Variants in PTPRR observed in about 807,000 individuals in gnomAD.
The protein encoded by PTPRR is protein tyrosine phosphatase receptor type R, also known as receptor-type tyrosine-protein phosphatase R.
A neutral mutation model predicts 77.2 loss-of-function variants in PTPRR; 38 were observed. The ratio of observed to expected loss-of-function variants is 0.49; its 90% confidence interval spans 0.38 to 0.65. PTPRR has a LOEUF of 0.65. Ranked by LOEUF, PTPRR falls within the 30% of genes least tolerant of loss-of-function variation. PTPRR has a pLI of 0.00. For synonymous variants in PTPRR, 299 were observed against 283.1 expected (o/e 1.06, Z -0.57); for missense variants, 744 against 799.2 (o/e 0.93, Z 0.83).
At chr12:70,753,531 T>C (rs979710410) in intron 5 of PTPRR, among the ~76,000 whole-genome samples, 1 of 152,182 alleles carries the variant, frequency 6.6e-6, no homozygotes, top group Non-Finnish European at 1.5e-5. Flanking sequence ...TGCCAAATAG[T>C]ACTGCTTAAT....
chr12:70,797,008 A>T (rs1362526722), intron 2 of PTPRR, among the ~76,000 whole-genome samples: 1 of 152,100 alleles, frequency 6.6e-6, no homozygotes, highest in South Asian at 2.1e-4. Context: ...ACAGAGCGAG[A>T]CTCTGTCTAA....
chr12:70,879,772 A>C (rs1268971575), intron 2 of PTPRR, among the ~76,000 whole-genome samples: 1 of 152,242 alleles, frequency 6.6e-6, no homozygotes, highest in African/African-American at 2.4e-5. Context: ...GTGACTGTTT[A>C]GACAGAATAT....
At chr12:70,843,905 T>A (rs773184049) in intron 2 of PTPRR, among the ~76,000 whole-genome samples, 1 of 147,144 alleles carries the variant, frequency 6.8e-6, no homozygotes, top group Non-Finnish European at 1.5e-5. Flanking sequence ...AACACCTGCC[T>A]CCCAGGTTCA....
intron 7 of PTPRR, 68 bp downstream of exon 7, chr12:70,701,069 C>T: frequency 3.9e-6 from 6 of 1,533,694 alleles, no homozygotes; most frequent in Non-Finnish European, 5.4e-6. Context: ...AGTATCATTT[C>T]CATACGTCTC....
intron 6 of PTPRR, among the ~76,000 whole-genome samples, chr12:70,740,675 A>G (rs929326397): frequency 2.6e-5 from 4 of 152,272 alleles, no homozygotes; most frequent in South Asian, 2.1e-4. Flanking sequence ...TTTATGATTA[A>G]TGATATCAAA....
At chr12:70,670,804 C>A (rs1283343981) in intron 10 of PTPRR, among the ~76,000 whole-genome samples, 3 of 152,206 alleles carry the variant, frequency 2.0e-5, no homozygotes, top group Non-Finnish European at 2.9e-5. Context: ...ATGTTTCCTT[C>A]TCTGAAGAGG....
chr12:70,744,128 C>A (rs902186749), intron 6 of PTPRR, among the ~76,000 whole-genome samples: 1 of 151,922 alleles, frequency 6.6e-6, no homozygotes, highest in Admixed American at 6.6e-5. Flanking sequence ...ATGTGGATGA[C>A]CAGAGTAAAA....
At chr12:70,721,290 T>C (rs77148524) in intron 6 of PTPRR, among the ~76,000 whole-genome samples, 11 of 152,294 alleles carry the variant, frequency 7.2e-5, no homozygotes, top group Non-Finnish European at 1.6e-4. Context: ...ACATTGCACA[T>C]ATATAAAACT....
At chr12:70,689,741 C>T (rs1020915116) in intron 8 of PTPRR, among the ~76,000 whole-genome samples, 1 of 152,136 alleles carries the variant, frequency 6.6e-6, no homozygotes, top group African/African-American at 2.4e-5. Flanking sequence ...CTAAAAGCTT[C>T]TTGCCAAGCA....
chr12:70,915,121 G>A (rs183383327), intron 1 of PTPRR, among the ~76,000 whole-genome samples: 6 of 152,034 alleles, frequency 3.9e-5, no homozygotes, highest in African/African-American at 1.2e-4. Context: ...TAAGAGGGAA[G>A]CTAGGAAGTA....
intron 1 of PTPRR, among the ~76,000 whole-genome samples, chr12:70,893,642 A>T (rs1038601395): frequency 6.6e-6 from 1 of 151,920 alleles, no homozygotes; most frequent in African/African-American, 2.4e-5. Context: ...GAGTAAACAG[A>T]TGTTAGCAGA....
chr12:70,812,044 T>C (rs1891817623), intron 2 of PTPRR, among the ~76,000 whole-genome samples: 1 of 152,190 alleles, frequency 6.6e-6, no homozygotes, highest in African/African-American at 2.4e-5. Context: ...GGTCAATTGG[T>C]AGGGATTGTC....
intron 2 of PTPRR, among the ~76,000 whole-genome samples, chr12:70,876,680 A>G (rs1893057443): frequency 6.6e-6 from 1 of 152,208 alleles, no homozygotes. Flanking sequence ...TGGCATCTTT[A>G]TTACTTGATC....
intron 8 of PTPRR, among the ~76,000 whole-genome samples, chr12:70,695,430 G>T (rs1187132257): frequency 6.6e-6 from 1 of 152,130 alleles, no homozygotes; most frequent in Non-Finnish European, 1.5e-5. Context: ...GTGCAACAGA[G>T]GGTGGTGGGT....
At chr12:70,784,638 G>A (rs1330264093) in intron 2 of PTPRR, among the ~76,000 whole-genome samples, 1 of 152,198 alleles carries the variant, frequency 6.6e-6, no homozygotes, top group Non-Finnish European at 1.5e-5. Flanking sequence ...GATGGCCGCC[G>A]CTGCCATCAC....
At chr12:70,866,582 C>T (rs1892854009) in intron 2 of PTPRR, among the ~76,000 whole-genome samples, 1 of 152,174 alleles carries the variant, frequency 6.6e-6, no homozygotes, top group East Asian at 1.9e-4. Flanking sequence ...GATGGATTCA[C>T]AGCCGAATTC....
chr12:70,892,159 TTATC>T lies in PTPRR; in HGVS notation c.357+516_357+519del, dbSNP rs545739995. Reference sequence around the variant, plus strand: ...TTATTATTCAGTAATATCAAAAATGTTATCTATCAATTACTCCCAACTCATTTTA... The same window carrying T: ...TTATTATTCAGTAATATCAAAAATGTTATCAATTACTCCCAACTCATTTTA... On this transcript the variant is annotated intron_variant, in intron 2 of 13. Transcript: ENST00000283228. Among the ~76,000 whole-genome samples the T allele has an allele frequency of 7.2e-5, 11 of 152,200 alleles. 1 individual carries two copies. In the South Asian group the frequency reaches 8.3e-4, roughly 11 times the overall value.
At chr12:70,903,988 C>G (rs567552728) in intron 1 of PTPRR, among the ~76,000 whole-genome samples, 1 of 151,764 alleles carries the variant, frequency 6.6e-6, no homozygotes, top group African/African-American at 2.4e-5. Flanking sequence ...ATGTCCATTT[C>G]TATTAGCCAA....
intron 13 of PTPRR, chr12:70,639,663 G>A: frequency 4.7e-6 from 1 of 213,496 alleles, no homozygotes; most frequent in Non-Finnish European, 8.3e-6. Context: ...TTGCACTTTA[G>A]TTTCTTCCTC....
Sources: allele counts gnomAD v4.1 joint callset (sites outside exome capture counted in the v4.1 genomes callset), GRCh38; gene constraint gnomAD v4.1.1; transcripts MANE v1.5; gene names NCBI Gene and HGNC (gene_info 2026-07-23, HGNC 2026-07-21).